Variants in RBFOX1 observed in about 807,000 individuals in gnomAD.
The protein encoded by RBFOX1 is RNA binding fox-1 homolog 1.
Under a neutral mutation model 57.7 loss-of-function variants are expected in RBFOX1, and 8 were observed. That is an observed-to-expected ratio of 0.14 (90% CI 0.08 to 0.25). The LOEUF (loss-of-function observed/expected upper bound fraction) is 0.25, where lower values mean the gene tolerates loss of function less well. Ranked by LOEUF, RBFOX1 falls within the 10% of genes least tolerant of loss-of-function variation. RBFOX1 has a pLI of 1.00. For synonymous variants in RBFOX1, 326 were observed against 222.4 expected, an observed-to-expected ratio of 1.47 and a Z score of -4.15; for missense variants, 611 against 548.5, an observed-to-expected ratio of 1.11 and a Z score of -1.14.
At chr16:7,258,559 C>T (rs1461101556) in intron 4 of RBFOX1, among the ~76,000 whole-genome samples, 1 of 152,040 alleles carries the variant, frequency 6.6e-6, no homozygotes, top group Non-Finnish European at 1.5e-5. Context: ...TCAGTACTGG[C>T]ACATCTGTAA....
At chr16:6,398,367 C>T (rs1385966268) in intron 2 of RBFOX1, among the ~76,000 whole-genome samples, 1 of 152,084 alleles carries the variant, frequency 6.6e-6, no homozygotes, top group Admixed American at 6.5e-5. Context: ...TCAACAGTCC[C>T]CCAAAGTCTT....
chr16:6,368,330 C>A (rs1474122926), intron 2 of RBFOX1, among the ~76,000 whole-genome samples: 1 of 152,232 alleles, frequency 6.6e-6, no homozygotes, highest in Non-Finnish European at 1.5e-5. Flanking sequence ...AATCTTCAGT[C>A]TGCAAGGGCA....
intron 3 of RBFOX1, among the ~76,000 whole-genome samples, chr16:5,785,519 C>T (rs151178535): frequency 1.3e-5 from 2 of 151,540 alleles, no homozygotes; most frequent in African/African-American, 4.8e-5. Flanking sequence ...TTTTTTCTTT[C>T]TTTCTTTCTT....
intron 4 of RBFOX1, among the ~76,000 whole-genome samples, chr16:6,002,066 G>A (rs1407258646): frequency 6.6e-6 from 1 of 151,104 alleles, no homozygotes; most frequent in African/African-American, 2.4e-5. Flanking sequence ...CAAACTCTTG[G>A]GCTCAAGCGA....
intron 1 of RBFOX1, among the ~76,000 whole-genome samples, chr16:5,405,721 A>G (rs1156598341): frequency 3.9e-5 from 6 of 152,154 alleles, no homozygotes; most frequent in Non-Finnish European, 8.8e-5. Flanking sequence ...TGCGGGGATA[A>G]GTTATTGTTG....
chr16:7,389,396 G>T (rs879857189), intron 4 of RBFOX1, among the ~76,000 whole-genome samples: 2 of 152,142 alleles, frequency 1.3e-5, no homozygotes, highest in Non-Finnish European at 2.9e-5. Flanking sequence ...AAAGCACTTG[G>T]ATTACAGGCA....
chr16:6,249,547 C>T (rs528319782), intron 1 of RBFOX1, among the ~76,000 whole-genome samples: 1 of 152,020 alleles, frequency 6.6e-6, no homozygotes, highest in East Asian at 1.9e-4. Flanking sequence ...AACAAAAAAA[C>T]AAAAACCAGA....
chr16:6,127,735 A>C (rs2096600271), intron 1 of RBFOX1, among the ~76,000 whole-genome samples: 1 of 152,102 alleles, frequency 6.6e-6, no homozygotes. Flanking sequence ...AATGTTCAAC[A>C]CTCCGGGAAA....
In RBFOX1 at chr16:7,313,941, C is replaced by G. The variant is rs376649712; in HGVS notation, c.28-204206C>G. Among the ~76,000 whole-genome samples the G allele has an allele frequency of 5.3e-5, 8 of 152,150 alleles. No homozygotes were observed. The East Asian group carries it at 5.8e-4, about 11-fold the overall frequency. On this transcript the variant is annotated intron_variant, in intron 4 of 15. Coordinates refer to ENST00000550418, the MANE Select transcript of RBFOX1 (RefSeq NM_018723.4). ...CCAGGTTCCTGCGTTGGAAGAATAGCTCCAATTGATGGAGTGGGCCTCTTT... is the reference window on the plus strand; with the variant it reads ...CCAGGTTCCTGCGTTGGAAGAATAGGTCCAATTGATGGAGTGGGCCTCTTT...
chr16:7,093,103 A>G (rs760070975), intron 4 of RBFOX1, among the ~76,000 whole-genome samples: 3 of 152,216 alleles, frequency 2.0e-5, no homozygotes, highest in Non-Finnish European at 2.9e-5. Context: ...AAAATGCCTC[A>G]GGAATACAAA....
intron 4 of RBFOX1, among the ~76,000 whole-genome samples, chr16:5,891,032 C>T (rs2215261): frequency 0.28 from 42,025 of 151,966 alleles, 5,943 homozygotes; most frequent in South Asian, 0.43. Context: ...TGAGAAGATG[C>T]GTGCAAATCC....
chr16:5,632,677 G>A lies in RBFOX1; in HGVS notation c.318+33716G>A, dbSNP rs893192854. On this transcript the variant is annotated intron_variant, in intron 3 of 19. Transcript: ENST00000641259. ...TTGTCTTTTGTTTTGGAGCCTATAA[G>A]GGCATATTGGGAAGGTTTAATACAG... The A allele has an allele frequency of 5.9e-5, 9 of 152,258 alleles. No individual in the cohort carries two copies. The East Asian group carries it at 1.5e-3, about 26-fold the overall frequency. The allele number at this position is 152,258 out of a possible 1,614,324, so 9.4% of individuals were successfully genotyped here. A position where few individuals can be genotyped will look rare whatever the true frequency, so the allele number is the denominator to read the frequency against.
chr16:7,650,420 T>TC (rs2064785128), intron 11 of RBFOX1, among the ~76,000 whole-genome samples: 1 of 151,422 alleles, frequency 6.6e-6, no homozygotes, highest in Non-Finnish European at 1.5e-5. Context: ...AAATAAGAAG[T>TC]CCCCCAATGT....
intron 3 of RBFOX1, among the ~76,000 whole-genome samples, chr16:5,791,669 T>G (rs1249383197): frequency 1.3e-5 from 2 of 152,202 alleles, no homozygotes; most frequent in Non-Finnish European, 2.9e-5. Flanking sequence ...CAAATTCACA[T>G]CTGGCTAACC....
At chr16:7,436,683 G>A (rs1025186977) in intron 4 of RBFOX1, among the ~76,000 whole-genome samples, 8 of 152,198 alleles carry the variant, frequency 5.3e-5, no homozygotes, top group East Asian at 1.9e-4. Context: ...GATGTCCTGA[G>A]CTCCAGCTCC....
chr16:6,054,184 T>G (rs1159160881), intron 1 of RBFOX1, among the ~76,000 whole-genome samples: 1 of 152,150 alleles, frequency 6.6e-6, no homozygotes, highest in Admixed American at 6.5e-5. Flanking sequence ...ATAGGGTAAA[T>G]TTTTGTTTCA....
At chr16:7,178,815 C>G (rs1032467393) in intron 4 of RBFOX1, among the ~76,000 whole-genome samples, 3 of 152,152 alleles carry the variant, frequency 2.0e-5, no homozygotes, top group African/African-American at 7.2e-5. Flanking sequence ...GGGTTTCACA[C>G]CTGTTATTCT....
At chr16:5,379,646 A>C (rs78575731) in intron 1 of RBFOX1, among the ~76,000 whole-genome samples, 2 of 152,300 alleles carry the variant, frequency 1.3e-5, no homozygotes, top group African/African-American at 4.8e-5. Context: ...TCCAGCCACC[A>C]AATCTGAGAA....
intron 3 of RBFOX1, among the ~76,000 whole-genome samples, chr16:5,725,369 G>C (rs2052103289): frequency 6.6e-6 from 1 of 152,064 alleles, no homozygotes; most frequent in Admixed American, 6.6e-5. Context: ...TCAGCTTCCT[G>C]AGTAACTGGA....
Sources: allele counts gnomAD v4.1 joint callset (sites outside exome capture counted in the v4.1 genomes callset), GRCh38; gene constraint gnomAD v4.1.1; transcripts MANE v1.5; gene names NCBI Gene and HGNC (gene_info 2026-07-23, HGNC 2026-07-21).